Variants in DOCK10 observed in about 807,000 individuals in gnomAD.
The protein encoded by DOCK10 is dedicator of cytokinesis protein 10.
In DOCK10, 145 loss-of-function variants were observed where a neutral mutation model predicts 280.1. That is an observed-to-expected ratio of 0.52 (90% CI 0.45 to 0.59). The LOEUF (loss-of-function observed/expected upper bound fraction) is 0.59. Ranked by LOEUF, DOCK10 falls within the 20% of genes least tolerant of loss-of-function variation. The pLI is 0.00. For synonymous variants in DOCK10, 915 were observed against 942.2 expected (o/e 0.97, Z 0.53); for missense variants, 2,368 against 2,651.7 (o/e 0.89, Z 2.35).
intron 2 of DOCK10, among the ~76,000 whole-genome samples, chr2:224,921,112 A>AAAAATATAT: frequency 5.5e-5 from 3 of 54,410 alleles, no homozygotes; most frequent in Non-Finnish European, 8.9e-5. Flanking sequence ...AAAAAAAAAA[A>AAAAATATAT]ATATATATAT....
intron 1 of DOCK10, among the ~76,000 whole-genome samples, chr2:224,950,212 A>G (rs1211195085): frequency 6.6e-6 from 1 of 152,204 alleles, no homozygotes; most frequent in Non-Finnish European, 1.5e-5. Flanking sequence ...AGGGTGGTGG[A>G]ATACAGAAAA....
At chr2:224,858,985 T>G (rs1697330920) in intron 14 of DOCK10, among the ~76,000 whole-genome samples, 1 of 152,246 alleles carries the variant, frequency 6.6e-6, no homozygotes, top group South Asian at 2.1e-4. Context: ...TGTGTGTGTG[T>G]GGCTATGGAA....
intron 11 of DOCK10, among the ~76,000 whole-genome samples, chr2:224,870,339 G>T (rs1698191549): frequency 6.6e-6 from 1 of 152,176 alleles, no homozygotes; most frequent in African/African-American, 2.4e-5. Context: ...GTCTTTCTTA[G>T]CAGCATGAGA....
At position 225,035,573 on chromosome 2, in the gene DOCK10, T is replaced by TATATA. The variant is rs1553634925; in HGVS notation, c.123+6674_123+6678dup. On this transcript the variant is annotated intron_variant, in intron 1 of 55. Coordinates refer to ENST00000258390, the MANE Select transcript of DOCK10 (RefSeq NM_014689.3). ...ATATATATATATATATATATATATA[T>TATATA]ATATATATATATATAACACTGAATC... Among the ~76,000 whole-genome samples the TATATA allele has an allele frequency of 1.6e-3, 69 of 44,152 alleles. 2 individuals are homozygous for TATATA. Among genetic ancestry groups the TATATA allele is most frequent in the South Asian group, 5.0e-3 (5 of 1,006 alleles). 29.0% of individuals were successfully genotyped at this position (44,152 alleles called of 152,430 possible).
chr2:224,991,720 C>T (rs1370904361), intron 1 of DOCK10, among the ~76,000 whole-genome samples: 1 of 152,024 alleles, frequency 6.6e-6, no homozygotes, highest in Non-Finnish European at 1.5e-5. Context: ...GTATGGGCCA[C>T]CCACCAAAGG....
At chr2:224,982,750 C>G (rs1030295677) in intron 1 of DOCK10, among the ~76,000 whole-genome samples, 1 of 152,090 alleles carries the variant, frequency 6.6e-6, no homozygotes, top group Non-Finnish European at 1.5e-5. Flanking sequence ...GAAAACCTGA[C>G]TTTACACTCA....
intron 3 of DOCK10, among the ~76,000 whole-genome samples, chr2:224,904,749 A>G (rs1458972999): frequency 1.3e-5 from 2 of 152,220 alleles, no homozygotes; most frequent in Non-Finnish European, 2.9e-5. Flanking sequence ...ATTAGTATGA[A>G]GCATACTAAA....
At chr2:224,863,539 G>A (rs895965727) in intron 13 of DOCK10, among the ~76,000 whole-genome samples, 2 of 151,934 alleles carry the variant, frequency 1.3e-5, no homozygotes, top group South Asian at 2.1e-4. Flanking sequence ...TGCAAGCTCC[G>A]CCTCCCGGGT....
intron 39 of DOCK10, among the ~76,000 whole-genome samples, chr2:224,802,571 A>G (rs1356516953): frequency 1.3e-5 from 2 of 151,964 alleles, no homozygotes; most frequent in Non-Finnish European, 2.9e-5. Flanking sequence ...GGAGGTAGGT[A>G]GTTAAAGGAC....
Position 224,775,076 on chromosome 2 carries a change from G to A in DOCK10, c.5842C>T (p.Gln1948Ter). ...KDLDPKYAYI[Q>*]VTYVTPFFEE... ...AAGAACGGCGTCACATAGGTCACCT[G>A]GATGTAGGCATATTTGGGGTCCAAA... The change falls in exon 52 of 56, where the codon CAG becomes TAG. Residue 1948 changes from glutamine (Q) to a stop codon, truncating the protein, a stop_gained. Transcript: ENST00000258390. LOFTEE classifies it high-confidence loss of function. 6.2e-7 allele frequency: 1 copy of A among 1,614,050 alleles called. No individual in the cohort carries two copies. The highest frequency in any genetic ancestry group is 1.3e-5 in the African/African-American group (1 of 75,062).
In DOCK10 at chr2:224,823,484, A is replaced by G; in HGVS notation, c.3183+17T>C. 1 of 1,559,516 alleles carries G rather than the reference A, an allele frequency of 6.4e-7. No homozygotes were observed. Among genetic ancestry groups the G allele is most frequent in the Non-Finnish European group, 8.6e-7 (1 of 1,159,302 alleles). ...ACATGGGGCCTTGAATAGAACTGCG[A>G]TCTCATATAACTGTACCTTGAGAAA... is the stretch of plus-strand genomic sequence containing the variant. On this transcript the variant is annotated intron_variant, in intron 28 of 55. Transcript: ENST00000258390.
chr2:224,901,196 A>G (rs1440122575), intron 3 of DOCK10, among the ~76,000 whole-genome samples: 1 of 152,224 alleles, frequency 6.6e-6, no homozygotes, highest in African/African-American at 2.4e-5. Context: ...TTATGACTAC[A>G]GCTCCTCTTT....
intron 1 of DOCK10, among the ~76,000 whole-genome samples, chr2:224,985,594 T>A: frequency 7.0e-6 from 1 of 143,168 alleles, no homozygotes; most frequent in Admixed American, 6.9e-5. Flanking sequence ...GAAGAAAAAG[T>A]AAGGCATTTC....
intron 1 of DOCK10, among the ~76,000 whole-genome samples, chr2:225,038,821 T>C (rs1228635254): frequency 6.6e-6 from 1 of 152,162 alleles, no homozygotes; most frequent in Non-Finnish European, 1.5e-5. Context: ...AAATGCTTCC[T>C]TTCCATCATC....
intron 1 of DOCK10, among the ~76,000 whole-genome samples, chr2:225,023,893 T>C (rs1412241739): frequency 6.6e-6 from 1 of 152,200 alleles, no homozygotes; most frequent in Non-Finnish European, 1.5e-5. Flanking sequence ...TCCCACAAGT[T>C]AATCACTAGT....
intron 14 of DOCK10, 54 bp downstream of exon 14, chr2:224,862,610 C>T (rs1697582779): frequency 6.9e-7 from 1 of 1,458,130 alleles, no homozygotes; most frequent in African/African-American, 1.4e-5. Flanking sequence ...ACTGAAGCTT[C>T]CAATGCCACC....
Position 224,874,249 on chromosome 2 carries a change from A to G in DOCK10, c.1101+17T>C, listed in dbSNP as rs549247547. 6.2e-7 allele frequency: 1 copy of G among 1,610,040 alleles called. No homozygotes were observed. The highest frequency in any genetic ancestry group is 1.3e-5 in the African/African-American group (1 of 74,978). On this transcript the variant is annotated intron_variant, in intron 10 of 55. Transcript: ENST00000258390. ...ATGGATCAAGTTCATATCTGCTTAG[A>G]AAAAATTTTGACTTACATCTATGTC...
At chr2:224,926,512 A>G (rs1473895590) in intron 2 of DOCK10, among the ~76,000 whole-genome samples, 1 of 152,210 alleles carries the variant, frequency 6.6e-6, no homozygotes, top group African/African-American at 2.4e-5. Context: ...AGCCTGGATA[A>G]CAGAGCGAGA....
rs1235907788 is a variant in DOCK10, at chr2:225,018,534, G to A, written c.123+23718C>T. ...AATATTATATATATATAATATATATGTAATATTATATATATATAATATATA... is the reference window on the plus strand; with the variant it reads ...AATATTATATATATATAATATATATATAATATTATATATATATAATATATA... On this transcript the variant is annotated intron_variant, in intron 1 of 55. Transcript: ENST00000258390. Among the ~76,000 whole-genome samples, 8 of 31,594 alleles carry A rather than the reference G, an allele frequency of 2.5e-4. 1 individual carries two copies. The highest frequency in any genetic ancestry group is 8.4e-4 in the African/African-American group (8 of 9,560). The allele number at this position is 31,594 out of a possible 152,430, so 20.7% of individuals were successfully genotyped here. A position where few individuals can be genotyped will look rare whatever the true frequency, so the allele number is the denominator to read the frequency against.
Sources: allele counts gnomAD v4.1 joint callset (sites outside exome capture counted in the v4.1 genomes callset), GRCh38; gene constraint gnomAD v4.1.1; transcripts MANE v1.5; gene names NCBI Gene and HGNC (gene_info 2026-07-23, HGNC 2026-07-21).